Variants in ARHGAP24 observed in about 807,000 individuals in gnomAD.
ARHGAP24 encodes the protein rho GTPase-activating protein 24.
A neutral mutation model predicts 76.4 loss-of-function variants in ARHGAP24; 50 were observed. The observed-to-expected ratio is 0.65, with a 90% CI of 0.52 to 0.83. The LOEUF (loss-of-function observed/expected upper bound fraction) is 0.83. Ranked by LOEUF, ARHGAP24 falls within the 40% of genes least tolerant of loss-of-function variation. ARHGAP24 has a pLI of 0.00. For missense variants in ARHGAP24, 930 were observed against 914.2 expected, an observed-to-expected ratio of 1.02 and a Z score of -0.22; for synonymous variants, 345 against 323.3, an observed-to-expected ratio of 1.07 and a Z score of -0.72.
intron 2 of ARHGAP24, among the ~76,000 whole-genome samples, chr4:85,671,054 T>A (rs573443995): frequency 1.3e-5 from 2 of 152,316 alleles, no homozygotes; most frequent in Admixed American, 1.3e-4. Flanking sequence ...CTAAATTACT[T>A]TGTATGACAT....
At position 85,509,094 on chromosome 4, in the gene ARHGAP24, A is replaced by T. The variant is rs1404064289; in HGVS notation, c.-21+33535A>T. 2.0e-5 allele frequency among the ~76,000 whole-genome samples: 3 copies of T among 151,340 alleles called. No homozygotes were observed. The East Asian group carries it at 5.8e-4, about 29-fold the overall frequency. Reference sequence around the variant, plus strand: ...TAATTTCTCAGTAAACTATCGCAAGAACAAAAAACCAAATACCACATATTC... The same window carrying T: ...TAATTTCTCAGTAAACTATCGCAAGTACAAAAAACCAAATACCACATATTC... On this transcript the variant is annotated intron_variant, in intron 1 of 9. Coordinates refer to ENST00000395184, the MANE Select transcript of ARHGAP24 (RefSeq NM_001025616.3).
chr4:85,570,595 G>C lies in ARHGAP24; in HGVS notation c.54G>C (p.Gln18His). Residue 18 changes from glutamine to histidine, a missense_variant, in exon 2 of 10, where the codon CAG becomes CAC. Gln to His is a conservative substitution (Grantham distance 24). Coordinates refer to ENST00000395184, the MANE Select transcript of ARHGAP24 (RefSeq NM_001025616.3). ...ACCCCCAACAAGGCCAAGGGCGGCA[G>C]AATGCCATCAAGTGTGGGTGGCTGA... ...TENPQQGQGR[Q>H]NAIKCGWLRK... The C allele has an allele frequency of 6.2e-7, 1 of 1,614,116 alleles. No individual in the cohort carries two copies. The highest frequency in any genetic ancestry group is 1.6e-4 in the Middle Eastern group (1 of 6,062).
At chr4:85,609,855 C>T (rs1005785738) in intron 2 of ARHGAP24, among the ~76,000 whole-genome samples, 2 of 152,156 alleles carry the variant, frequency 1.3e-5, no homozygotes, top group Admixed American at 1.3e-4. Flanking sequence ...AATTCTTTCT[C>T]ATAGTTACTT....
At chr4:85,837,816 T>A (rs1444078975) in intron 3 of ARHGAP24, among the ~76,000 whole-genome samples, 1 of 152,202 alleles carries the variant, frequency 6.6e-6, no homozygotes, top group Non-Finnish European at 1.5e-5. Flanking sequence ...TACGTGGGAA[T>A]CAATCTTTGT....
chr4:85,622,009 G>C (rs1720734589), intron 2 of ARHGAP24, among the ~76,000 whole-genome samples: 1 of 151,902 alleles, frequency 6.6e-6, no homozygotes, highest in South Asian at 2.1e-4. Context: ...AACTTCTTTT[G>C]CTGTATCCCA....
chr4:85,974,104 C>T (rs1487168896), intron 6 of ARHGAP24, among the ~76,000 whole-genome samples: 1 of 151,308 alleles, frequency 6.6e-6, no homozygotes, highest in East Asian at 1.9e-4. Flanking sequence ...GATCCACCTA[C>T]CTCAGCCTCC....
intron 2 of ARHGAP24, among the ~76,000 whole-genome samples, chr4:85,572,874 C>CTTTTTTTTTTTT (rs775780758): frequency 3.6e-4 from 45 of 124,272 alleles, no homozygotes; most frequent in East Asian, 4.5e-4. Context: ...TTTTTTCTTT[C>CTTTTTTTTTTTT]TTTTTTTTTT....
chr4:85,899,614 A>G (rs531028690), intron 3 of ARHGAP24, among the ~76,000 whole-genome samples: 5 of 152,224 alleles, frequency 3.3e-5, no homozygotes, highest in African/African-American at 9.6e-5. Context: ...ATACTTTGAG[A>G]TATCATCTGG....
At chr4:85,919,750 C>G (rs1048401450) in intron 3 of ARHGAP24, among the ~76,000 whole-genome samples, 6 of 152,174 alleles carry the variant, frequency 3.9e-5, no homozygotes, top group African/African-American at 1.4e-4. Context: ...GCCACTCACT[C>G]TAATTACTAG....
chr4:85,528,222 A>G (rs1012372798), intron 1 of ARHGAP24, among the ~76,000 whole-genome samples: 4 of 152,100 alleles, frequency 2.6e-5, no homozygotes, highest in Admixed American at 1.3e-4. Context: ...TGTAGCAGAC[A>G]CTGTATTCCA....
At chr4:85,948,046 A>T (rs1425393679) in intron 5 of ARHGAP24, among the ~76,000 whole-genome samples, 2 of 152,182 alleles carry the variant, frequency 1.3e-5, no homozygotes, top group African/African-American at 2.4e-5. Flanking sequence ...AACAAATTTC[A>T]AGACTGCAAA....
At position 85,977,664 on chromosome 4, in the gene ARHGAP24, G is replaced by A; in HGVS notation, c.901G>A (p.Val301Met). 1 of 1,613,906 alleles carries A rather than the reference G, an allele frequency of 6.2e-7. No homozygotes were observed. The highest frequency in any genetic ancestry group is 8.5e-7 in the Non-Finnish European group (1 of 1,179,834). ...VFGPNILRPKVEDPLTIMEGT... is the reference protein window; with the variant it reads ...VFGPNILRPKMEDPLTIMEGT... ...TGGTCCTAATATCCTGCGCCCCAAA[G>A]TGGAAGATCCTTTGACTATCATGGA... is the stretch of plus-strand genomic sequence containing the variant. The change falls in exon 8 of 10, where the codon GTG becomes ATG. Residue 301 changes from valine to methionine, a missense_variant. Transcript: ENST00000395184.
At chr4:85,576,074 T>G (rs1727358410) in intron 2 of ARHGAP24, among the ~76,000 whole-genome samples, 1 of 152,184 alleles carries the variant, frequency 6.6e-6, no homozygotes, top group South Asian at 2.1e-4. Flanking sequence ...ACAAAGTGAT[T>G]CTGAGTGAAT....
chr4:85,591,167 C>G (rs371364752), intron 2 of ARHGAP24, among the ~76,000 whole-genome samples: 1 of 150,334 alleles, frequency 6.7e-6, no homozygotes, highest in Non-Finnish European at 1.5e-5. Context: ...GCCTCAGGCA[C>G]CTGAGTATCT....
At chr4:85,588,952 C>T (rs1443540653) in intron 2 of ARHGAP24, among the ~76,000 whole-genome samples, 2 of 152,168 alleles carry the variant, frequency 1.3e-5, no homozygotes, top group Non-Finnish European at 2.9e-5. Context: ...AAAGTTGGCT[C>T]CTCTCTAAAG....
chr4:85,999,928 C>T (rs188569345), intron 9 of ARHGAP24: 5 of 154,006 alleles, frequency 3.2e-5, no homozygotes, highest in African/African-American at 1.2e-4. Context: ...CTTTACCTCT[C>T]GTATCAATGT....
chr4:85,641,544 G>A (rs901145990), intron 2 of ARHGAP24, among the ~76,000 whole-genome samples: 1 of 152,002 alleles, frequency 6.6e-6, no homozygotes, highest in Non-Finnish European at 1.5e-5. Flanking sequence ...TCTTCATATT[G>A]TTTTCTCTCT....
chr4:85,879,771 A>G (rs1733140142), intron 3 of ARHGAP24, among the ~76,000 whole-genome samples: 1 of 152,116 alleles, frequency 6.6e-6, no homozygotes, highest in African/African-American at 2.4e-5. Context: ...TTTAAACTGC[A>G]TTTAATACAT....
intron 1 of ARHGAP24, among the ~76,000 whole-genome samples, chr4:85,486,082 A>G (rs894898922): frequency 1.3e-5 from 2 of 152,138 alleles, no homozygotes; most frequent in Non-Finnish European, 2.9e-5. Flanking sequence ...CATTTGGCAG[A>G]ACTCTGAAAA....
Sources: gnomAD v4.1 joint callset for allele counts (sites outside exome capture counted in the v4.1 genomes callset) on GRCh38, gnomAD v4.1.1 for gene constraint, MANE v1.5 for transcripts, NCBI Gene and HGNC (gene_info 2026-07-23, HGNC 2026-07-21) for gene names.